Variants in DNAH14 observed in about 807,000 individuals in gnomAD.
DNAH14 encodes the protein dynein axonemal heavy chain 14, also known as axonemal beta dynein heavy chain 14.
DNAH14 carries 478 observed loss-of-function variants against 520.9 expected under a neutral mutation model. The observed-to-expected ratio is 0.92, with a 90% CI of 0.85 to 0.99. The LOEUF is 0.99. DNAH14 is among the 50% of genes least tolerant of loss of function. The pLI, the probability that DNAH14 is intolerant of heterozygous loss-of-function variation, is 0.00. For synonymous variants in DNAH14, 1,581 were observed against 1,757.2 expected, an observed-to-expected ratio of 0.90 and a Z score of 2.51; for missense variants, 4,831 against 5,234.5, an observed-to-expected ratio of 0.92 and a Z score of 2.38.
At chr1:225,204,421 T>A in intron 39 of DNAH14, 148 bp downstream of exon 39, 1 of 487,506 alleles carries the variant, frequency 2.1e-6, no homozygotes. Context: ...TATTTAAAAT[T>A]TGTGTAGTGT....
intron 1 of DNAH14, among the ~76,000 whole-genome samples, chr1:224,949,792 T>A (rs1017698161): frequency 6.6e-6 from 1 of 152,210 alleles, no homozygotes; most frequent in African/African-American, 2.4e-5. Flanking sequence ...ACCTGTAGTT[T>A]GTGAGCTGTG....
intron 31 of DNAH14, among the ~76,000 whole-genome samples, chr1:225,149,619 A>G (rs1015591368): frequency 6.6e-5 from 10 of 152,084 alleles, no homozygotes; most frequent in African/African-American, 2.4e-4. Flanking sequence ...TTTCCTTAGG[A>G]GAGATCTTTC....
chr1:225,121,590 C>G (rs1243597597), intron 26 of DNAH14, among the ~76,000 whole-genome samples: 1 of 152,002 alleles, frequency 6.6e-6, no homozygotes, highest in Non-Finnish European at 1.5e-5. Context: ...TAGAATTTAC[C>G]TCTTTTTTGG....
intron 47 of DNAH14, among the ~76,000 whole-genome samples, chr1:225,264,606 T>C (rs2093049773): frequency 6.6e-6 from 1 of 152,130 alleles, no homozygotes; most frequent in Non-Finnish European, 1.5e-5. Context: ...AGAAAAGGTA[T>C]GATTCTGTAG....
intron 73 of DNAH14, 183 bp downstream of exon 73, chr1:225,354,071 A>G (rs989811517): frequency 3.2e-5 from 22 of 694,400 alleles, no homozygotes; most frequent in Non-Finnish European, 5.1e-5. Flanking sequence ...TGGAGAGTCC[A>G]ATGTGAGTAA....
At chr1:224,988,189 A>C (rs1162698607) in intron 8 of DNAH14, among the ~76,000 whole-genome samples, 2 of 152,072 alleles carry the variant, frequency 1.3e-5, no homozygotes, top group African/African-American at 4.8e-5. Flanking sequence ...GCTGATGATA[A>C]TGGTTTCCAG....
intron 43 of DNAH14, among the ~76,000 whole-genome samples, chr1:225,249,626 C>A (rs1270001826): frequency 6.6e-6 from 1 of 152,176 alleles, no homozygotes; most frequent in Non-Finnish European, 1.5e-5. Context: ...ACCAAATTCA[C>A]CCACTTCAAA....
In DNAH14 at chr1:225,392,412, T is replaced by G. The variant is rs2095929818; in HGVS notation, c.13452T>G (p.Phe4484Leu). 2 of 1,552,006 alleles carry G rather than the reference T, an allele frequency of 1.3e-6. No homozygotes were observed. Among genetic ancestry groups the G allele is most frequent in the African/African-American group, 2.7e-5 (2 of 73,192 alleles). ...TTDKDEKFSV[F>L]MPKKLNIVRR... ...ACAAGGATGAGAAGTTCTCCGTATT[T>G]ATGCCAAAGAAACTCAACATAGTCA... Residue 4484 changes from phenylalanine (F) to leucine (L), a missense_variant, in exon 84 of 86, where the codon TTT (phenylalanine) becomes TTG (leucine). Coordinates refer to ENST00000682510, the MANE Select transcript of DNAH14 (RefSeq NM_001367479.1).
chr1:225,330,066 G>C (rs762097431), intron 64 of DNAH14, among the ~76,000 whole-genome samples: 2 of 152,118 alleles, frequency 1.3e-5, no homozygotes, highest in Non-Finnish European at 2.9e-5. Flanking sequence ...CAATATCATT[G>C]ATCATCAGAC....
chr1:225,189,413 TC>T (rs138126916), intron 37 of DNAH14, among the ~76,000 whole-genome samples: 18,596 of 137,516 alleles, frequency 0.14, 1,273 homozygotes, highest in East Asian at 0.35. Context: ...TTCTTTCTTT[TC>T]TTTTTTTTTT....
intron 27 of DNAH14, among the ~76,000 whole-genome samples, chr1:225,133,232 T>C (rs1212569955): frequency 1.3e-5 from 2 of 152,194 alleles, no homozygotes; most frequent in South Asian, 4.1e-4. Context: ...TTAGTTCAGT[T>C]AGATCTCATT....
At chr1:225,062,129 T>C (rs1327101373) in intron 17 of DNAH14, among the ~76,000 whole-genome samples, 1 of 120,214 alleles carries the variant, frequency 8.3e-6, no homozygotes, top group Non-Finnish European at 1.9e-5. Context: ...TGAAAACCCA[T>C]CTCTACAAAA....
intron 8 of DNAH14, among the ~76,000 whole-genome samples, chr1:224,986,006 G>A (rs1435002014): frequency 1.3e-5 from 2 of 152,004 alleles, no homozygotes; most frequent in Non-Finnish European, 2.9e-5. Context: ...TAATAACAGA[G>A]AACTTCCCAA....
chr1:225,335,849 A>ATGTG (rs2095004164), intron 66 of DNAH14, among the ~76,000 whole-genome samples: 1 of 49,152 alleles, frequency 2.0e-5, no homozygotes. Context: ...GTACATACAC[A>ATGTG]TATGTACATA....
rs1383689499 is a variant in DNAH14, at chr1:225,232,278, TATAC to T, written c.6518+1129_6518+1132del. 7.5e-6 allele frequency among the ~76,000 whole-genome samples: 1 copy of T among 133,838 alleles called. No individual in the cohort carries two copies. The highest frequency in any genetic ancestry group is 1.6e-5 in the Non-Finnish European group (1 of 63,380). 87.8% of individuals were successfully genotyped at this position (133,838 alleles called of 152,430 possible). A position where few individuals can be genotyped will look rare whatever the true frequency, so the allele number is the denominator to read the frequency against. ...ATATATATAAACTGTGATATATATATATACACACACACACACACACACGTGTATC... is the reference window on the plus strand; with the variant it reads ...ATATATATAAACTGTGATATATATATACACACACACACACACACGTGTATC... On this transcript the variant is annotated intron_variant, in intron 42 of 85. Transcript: ENST00000682510. The surrounding 1 kb of genome is among the most constrained non-coding windows in gnomAD (Gnocchi z 4.2).
At chr1:225,034,836 T>A (rs1458090087) in intron 11 of DNAH14, among the ~76,000 whole-genome samples, 3 of 152,202 alleles carry the variant, frequency 2.0e-5, no homozygotes, top group African/African-American at 7.2e-5. Context: ...ATCCATCTCT[T>A]CTAGATTTTC....
At position 225,338,771 on chromosome 1, in the gene DNAH14, A is replaced by C. The variant is rs563634107; in HGVS notation, c.10433+589A>C. 2.0e-5 allele frequency among the ~76,000 whole-genome samples: 3 copies of C among 152,312 alleles called. No homozygotes were observed. In the East Asian group the frequency reaches 5.8e-4, roughly 29 times the overall value. ...TAATGTGCATTCTCTCCTTGTATGC[A>C]AAGCTACAGGAAAGGCCACTTATAA... is the stretch of plus-strand genomic sequence containing the variant. On this transcript the variant is annotated intron_variant, in intron 68 of 85. Coordinates refer to ENST00000682510, the MANE Select transcript of DNAH14 (RefSeq NM_001367479.1).
In DNAH14 at chr1:225,007,491, C is replaced by G. The variant is rs2064270102; in HGVS notation, c.1054C>G (p.Leu352Val). 2.6e-6 allele frequency: 4 copies of G among 1,540,180 alleles called. No individual in the cohort carries two copies. The East Asian group carries it at 9.9e-5, about 38-fold the overall frequency. ...LQQATQALKQ[L>V]EDIRNKAISE... ...GCAAGCTACCCAGGCATTGAAACAACTTGAGGACATCAGGAATAAAGCAAT... is the reference window on the plus strand; with the variant it reads ...GCAAGCTACCCAGGCATTGAAACAAGTTGAGGACATCAGGAATAAAGCAAT... Residue 352 changes from leucine (L) to valine (V), a missense_variant, in exon 10 of 86, where the codon CTT (leucine) becomes GTT (valine). Coordinates refer to ENST00000682510, the MANE Select transcript of DNAH14 (RefSeq NM_001367479.1).
At chr1:225,208,509 A>G (rs2087902157) in intron 41 of DNAH14, among the ~76,000 whole-genome samples, 3 of 152,188 alleles carry the variant, frequency 2.0e-5, no homozygotes, top group Admixed American at 2.0e-4. Context: ...TATAATACAG[A>G]AATATGTGTA....
Sources: allele counts gnomAD v4.1 joint callset (sites outside exome capture counted in the v4.1 genomes callset), GRCh38; gene constraint gnomAD v4.1.1; non-coding constraint Gnocchi (gnomAD v3.1); transcripts MANE v1.5; gene names NCBI Gene and HGNC (gene_info 2026-07-23, HGNC 2026-07-21).